The following GSDMA variants were observed in gnomAD, a reference collection of about 807,000 sequenced individuals.
GSDMA encodes the protein gasdermin A, also known as gasdermin-A.
A neutral mutation model predicts 54.3 loss-of-function variants in GSDMA; 55 were observed. The observed-to-expected ratio is 1.01, with a 90% CI of 0.82 to 1.27. The LOEUF (loss-of-function observed/expected upper bound fraction) is 1.27, where lower values mean the gene tolerates loss of function less well. Ranked by LOEUF, GSDMA falls within the 50% of genes most tolerant of loss-of-function variation. The pLI, the probability that GSDMA is intolerant of heterozygous loss-of-function variation, is 0.00. For synonymous variants in GSDMA, 211 were observed against 224.7 expected (o/e 0.94, Z 0.54); for missense variants, 542 against 542.6 (o/e 1.00, Z 0.01).
Position 39,966,310 on chromosome 17 carries a change from G to C in GSDMA, c.265G>C (p.Val89Leu). ...FGFKNMLDTRVEGDVDVPKTV... is the reference protein window; with the variant it reads ...FGFKNMLDTRLEGDVDVPKTV... ...CTTTAAGAATATGCTGGACACCCGA[G>C]TGGAGGGAGATGTGGATGTACCAAA... The change falls in exon 3 of 12, where the codon GTG becomes CTG. Residue 89 changes from valine (V) to leucine (L), a missense_variant. Transcript: ENST00000301659. 6.2e-7 allele frequency: 1 copy of C among 1,614,014 alleles called. No homozygotes were observed. Among genetic ancestry groups the C allele is most frequent in the Non-Finnish European group, 8.5e-7 (1 of 1,179,898 alleles).
At chr17:39,976,452 A>C (rs977138088) in intron 11 of GSDMA, among the ~76,000 whole-genome samples, 6 of 151,846 alleles carry the variant, frequency 4.0e-5, no homozygotes, top group Non-Finnish European at 7.4e-5. Context: ...CTAATTTTGT[A>C]TTTTTAGTAG....
In GSDMA at chr17:39,972,147, A is replaced by G. The variant is rs1180089975; in HGVS notation, c.674A>G (p.Asn225Ser). ...TTCACAGATATTCCACATATCTGCA[A>G]TGATAACATGCAAACCTTCCCTCCT... ...KDEWDIPHIC[N>S]DNMQTFPPGE... Residue 225 changes from asparagine to serine, a missense_variant, in exon 6 of 12, where the codon AAT becomes AGT. Coordinates refer to ENST00000301659, the MANE Select transcript of GSDMA (RefSeq NM_178171.5). The G allele has an allele frequency of 6.3e-7, 1 of 1,595,648 alleles. No homozygotes were observed. The highest frequency in any genetic ancestry group is 8.6e-7 in the Non-Finnish European group (1 of 1,167,168).
intron 3 of GSDMA, among the ~76,000 whole-genome samples, chr17:39,967,629 A>G (rs1289258844): frequency 6.6e-6 from 1 of 152,160 alleles, no homozygotes; most frequent in East Asian, 1.9e-4. Flanking sequence ...CAGATAGGGG[A>G]AGAGGAACAG....
Position 39,973,800 on chromosome 17 carries a change from T to C in GSDMA, c.731-10T>C, listed in dbSNP as rs1489502393. 5.6e-6 allele frequency: 9 copies of C among 1,610,968 alleles called. No homozygotes were observed. Among genetic ancestry groups the C allele is most frequent in the Admixed American group, 1.7e-5 (1 of 59,560 alleles). On this transcript the variant is annotated splice_polypyrimidine_tract_variant and intron_variant, in intron 7 of 11. Transcript: ENST00000301659. ...GCATTCTTATCTTTTTTTTTTCCTTTTTTTCTCAGTTATCCAGGCATCTGA... is the reference window on the plus strand; with the variant it reads ...GCATTCTTATCTTTTTTTTTTCCTTCTTTTCTCAGTTATCCAGGCATCTGA...
In GSDMA at chr17:39,970,545, G is replaced by A. The variant is rs954441301; in HGVS notation, c.456G>A (p.Val152=). 4 of 1,608,638 alleles carry A rather than the reference G, an allele frequency of 2.5e-6. No homozygotes were observed. In the African/African-American group the frequency reaches 5.4e-5, roughly 22 times the overall value. The part of the protein sequence containing the change: ...EMQDQGENLY[V]VMEVVETVQE... Reference sequence around the variant, plus strand: ...AAGATCAAGGGGAGAACCTGTATGTGGTGATGGAGGTGGTGGAGACGGTGC... The same window carrying A: ...AAGATCAAGGGGAGAACCTGTATGTAGTGATGGAGGTGGTGGAGACGGTGC... The change falls in exon 4 of 12, where the codon GTG becomes GTA. Residue 152 remains valine, a synonymous_variant. Transcript: ENST00000301659.
Position 39,976,994 on chromosome 17 carries a change from T to C in GSDMA, c.1274T>C (p.Leu425Pro). The change falls in exon 12 of 12, where the codon CTC (leucine) becomes CCC (proline). Residue 425 changes from leucine to proline, a missense_variant. Physicochemically the swap from Leu to Pro is moderately conservative, Grantham distance 98. Transcript: ENST00000301659. ...CAATATATGTGGGACCCAGACACCC[T>C]CCCTCGCCTCTGTGCTCTTTATGCA... ...GPQYMWDPDTLPRLCALYAGL... is the reference protein window; with the variant it reads ...GPQYMWDPDTPPRLCALYAGL... 1 of 1,613,892 alleles carries C rather than the reference T, an allele frequency of 6.2e-7. No homozygotes were observed. Among genetic ancestry groups the C allele is most frequent in the Non-Finnish European group, 8.5e-7 (1 of 1,179,872 alleles).
intron 5 of GSDMA, 29 bp from the exon 6 acceptor site, chr17:39,972,100 T>TTGGCCCCC: frequency 1.2e-6 from 1 of 835,098 alleles, no homozygotes; most frequent in Non-Finnish European, 2.0e-6. Context: ...CTAAGTGTCC[T>TTGGCCCCC]CCCACCCTCC....
chr17:39,966,924 C>CA (rs1979695918), intron 3 of GSDMA, among the ~76,000 whole-genome samples: 1 of 152,198 alleles, frequency 6.6e-6, no homozygotes, highest in Admixed American at 6.5e-5. Context: ...ACACACTAAG[C>CA]ACGCCCTCGG....
intron 3 of GSDMA, among the ~76,000 whole-genome samples, chr17:39,968,109 G>A (rs1463186288): frequency 6.6e-6 from 1 of 151,884 alleles, no homozygotes; most frequent in African/African-American, 2.4e-5. Flanking sequence ...TGTCCGCCTC[G>A]GCCTCCCAAA....
intron 8 of GSDMA, 68 bp from the exon 9 acceptor site, chr17:39,974,205 A>AG (rs1980089087): frequency 5.4e-6 from 8 of 1,482,214 alleles, no homozygotes; most frequent in Non-Finnish European, 7.3e-6. Flanking sequence ...GGAGCCCTGC[A>AG]GGGGGAATGC....
In GSDMA at chr17:39,976,013, C is replaced by T. The variant is rs763798598; in HGVS notation, c.1095+16C>T. ...GCTAAAGCTGGTGAGGGAAAAACAG[C>T]AGATGCTGGGGAGAGTCTGGGAGTA... On this transcript the variant is annotated intron_variant, in intron 11 of 11. Coordinates refer to ENST00000301659, the MANE Select transcript of GSDMA (RefSeq NM_178171.5). 5 of 1,567,396 alleles carry T rather than the reference C, an allele frequency of 3.2e-6. No individual in the cohort carries two copies. Among genetic ancestry groups the T allele is most frequent in the Non-Finnish European group, 4.3e-6 (5 of 1,152,740 alleles).
chr17:39,971,407 G>C (rs1245178895), intron 4 of GSDMA, 117 bp from the exon 5 acceptor site: 1 of 702,668 alleles, frequency 1.4e-6, no homozygotes, highest in Non-Finnish European at 2.5e-6. Flanking sequence ...AAGGCTTCCA[G>C]CTTCTTATCT....
intron 3 of GSDMA, among the ~76,000 whole-genome samples, chr17:39,967,850 A>G (rs917018052): frequency 2.5e-4 from 37 of 149,312 alleles, no homozygotes; most frequent in Admixed American, 8.0e-4. Context: ...TTTTTTATTT[A>G]TTTATTTTAT....
chr17:39,969,968 G>A (rs1456099521), intron 3 of GSDMA, among the ~76,000 whole-genome samples: 2 of 66,928 alleles, frequency 3.0e-5, no homozygotes, highest in African/African-American at 8.0e-5. Flanking sequence ...TAGGATTAGG[G>A]AGTTTATATA....
chr17:39,968,059 A>C lies in GSDMA; in HGVS notation c.392+1622A>C, dbSNP rs112649620. The stretch of plus-strand genomic sequence containing the variant: ...TTTTTAGTAGAGACGGAGTTTCACC[A>C]TATTGGCTAGGCTGATCTCGAACTC... On this transcript the variant is annotated intron_variant, in intron 3 of 11. Transcript: ENST00000301659. 1.6e-3 allele frequency among the ~76,000 whole-genome samples: 244 copies of C among 152,134 alleles called. 2 individuals are homozygous for C. Among genetic ancestry groups the C allele is most frequent in the African/African-American group, 5.5e-3 (229 of 41,528 alleles).
At chr17:39,972,940 G>T (rs1568131204) in intron 7 of GSDMA, among the ~76,000 whole-genome samples, 1 of 151,934 alleles carries the variant, frequency 6.6e-6, no homozygotes, top group Non-Finnish European at 1.5e-5. Flanking sequence ...AGACCAGCCT[G>T]GGCAACATAG....
chr17:39,965,312 T>TG (rs796623513), intron 1 of GSDMA, among the ~76,000 whole-genome samples: 29 of 93,810 alleles, frequency 3.1e-4, no homozygotes, highest in African/African-American at 9.4e-4. Flanking sequence ...GAGAAATAAA[T>TG]AAAGAAAGAA....
At chr17:39,964,986 A>G (rs1979568894) in intron 1 of GSDMA, among the ~76,000 whole-genome samples, 1 of 151,882 alleles carries the variant, frequency 6.6e-6, no homozygotes, top group East Asian at 1.9e-4. Flanking sequence ...AAATTAGCCA[A>G]GTGCATGACT....
intron 1 of GSDMA, among the ~76,000 whole-genome samples, chr17:39,964,610 G>C (rs186225273): frequency 5.0e-4 from 76 of 152,104 alleles, no homozygotes; most frequent in East Asian, 4.8e-3. Flanking sequence ...TCCCCCAGGG[G>C]CTGTGAGAGG....
Sources: allele counts gnomAD v4.1 joint callset (sites outside exome capture counted in the v4.1 genomes callset), GRCh38; gene constraint gnomAD v4.1.1; transcripts MANE v1.5; gene names NCBI Gene and HGNC (gene_info 2026-07-23, HGNC 2026-07-21).